SLC37A3: variants seen among roughly 807,000 people sequenced by gnomAD.
SLC37A3 encodes solute carrier family 37 member 3.
SLC37A3 carries 51 observed loss-of-function variants against 67.1 expected under a neutral mutation model. The observed-to-expected ratio is 0.76, with a 90% confidence interval of 0.61 to 0.96. The LOEUF is 0.96. SLC37A3 is among the 40% of genes least tolerant of loss of function. The pLI, the probability that SLC37A3 is intolerant of heterozygous loss-of-function variation, is 0.00. For missense variants in SLC37A3, 508 were observed against 603.0 expected (o/e 0.84, Z 1.65); for synonymous variants, 214 against 231.4 (o/e 0.92, Z 0.68).
rs149190269 is a variant in SLC37A3, at chr7:140,364,421, G to A, written c.362C>T (p.Ser121Phe). 1.9e-4 allele frequency: 310 copies of A among 1,613,696 alleles called. 1 individual carries two copies. The East Asian group carries it at 6.5e-3, about 34-fold the overall frequency. Reference sequence around the variant, plus strand: ...CTTTCAACTTACCACTAATGCAGAAGAGCACATGCCAAAAGACAGAACCCA... The same window carrying A: ...CTTTCAACTTACCACTAATGCAGAAAAGCACATGCCAAAAGACAGAACCCA... ...LRWVLSFGMC[S>F]SALVVFVFGA... The change falls in exon 5 of 15, where the codon TCT becomes TTT. Residue 121 changes from serine (S) to phenylalanine (F), a missense_variant. Transcript: ENST00000326232.
intron 1 of SLC37A3, among the ~76,000 whole-genome samples, chr7:140,389,321 GCACTCGATAGATCAGCCGA>G (rs1798634437): frequency 6.6e-6 from 1 of 152,050 alleles, no homozygotes; most frequent in African/African-American, 2.4e-5. Context: ...TGTAGACCCT[GCACTCGATAGATCAGCCGA>G]CACCACCCAG....
Position 140,335,201 on chromosome 7 carries a change from C to T in SLC37A3, c.*211G>A, listed in dbSNP as rs966442739. The T allele has an allele frequency of 1.0e-5, 16 of 1,594,290 alleles. No individual in the cohort carries two copies. The highest frequency in any genetic ancestry group is 8.5e-5 in the Admixed American group (5 of 58,600). On this transcript the variant is annotated 3_prime_UTR_variant, in exon 15 of 15. Transcript: ENST00000326232. The stretch of plus-strand genomic sequence containing the variant: ...GTCACTCGGCACATTCATGAAACAA[C>T]AGCAAAAATCATCAACAGTAATTCC...
At chr7:140,364,621 A>G in intron 4 of SLC37A3, 130 bp from the exon 5 acceptor site, 1 of 794,918 alleles carries the variant, frequency 1.3e-6, no homozygotes, top group Non-Finnish European at 2.0e-6. Context: ...TGCCGAGGCT[A>G]CCTGTCTACA....
At chr7:140,344,496 C>T (rs1456833946) in intron 12 of SLC37A3, among the ~76,000 whole-genome samples, 1 of 152,024 alleles carries the variant, frequency 6.6e-6, no homozygotes, top group Non-Finnish European at 1.5e-5. Flanking sequence ...TGGCTCACGC[C>T]TGTAATCCCA....
chr7:140,359,282 G>A (rs1273092903), intron 5 of SLC37A3, among the ~76,000 whole-genome samples: 1 of 151,362 alleles, frequency 6.6e-6, no homozygotes, highest in African/African-American at 2.4e-5. Flanking sequence ...GGTGGAGCTT[G>A]CAGTGAGCCA....
At chr7:140,362,672 GT>G (rs1433308925) in intron 5 of SLC37A3, among the ~76,000 whole-genome samples, 5 of 42,938 alleles carry the variant, frequency 1.2e-4, no homozygotes, top group African/African-American at 1.8e-4. Flanking sequence ...CGGGAGGGAG[GT>G]GGGGGGGGGG....
At chr7:140,344,782 T>C (rs942177985) in intron 12 of SLC37A3, among the ~76,000 whole-genome samples, 49 of 152,126 alleles carry the variant, frequency 3.2e-4, no homozygotes, top group African/African-American at 1.1e-3. Flanking sequence ...ATAAAGTAAG[T>C]AATTTTTCTA....
At chr7:140,368,766 T>G (rs1797706321) in intron 4 of SLC37A3, among the ~76,000 whole-genome samples, 1 of 152,140 alleles carries the variant, frequency 6.6e-6, no homozygotes, top group African/African-American at 2.4e-5. Flanking sequence ...GTCTCCCCTC[T>G]GCCATGACAC....
intron 6 of SLC37A3, among the ~76,000 whole-genome samples, chr7:140,355,979 G>A (rs1797010185): frequency 6.6e-6 from 1 of 152,134 alleles, no homozygotes; most frequent in Non-Finnish European, 1.5e-5. Flanking sequence ...CAGATCACCT[G>A]AGGTCAGGAG....
intron 6 of SLC37A3, 144 bp downstream of exon 6, chr7:140,358,496 C>G: frequency 8.8e-7 from 1 of 1,136,294 alleles, no homozygotes; most frequent in Non-Finnish European, 1.3e-6. Flanking sequence ...GACGTGAAAC[C>G]CTCTCTCCCT....
chr7:140,349,554 G>T (rs974418879), intron 9 of SLC37A3, among the ~76,000 whole-genome samples: 1 of 151,938 alleles, frequency 6.6e-6, no homozygotes, highest in Non-Finnish European at 1.5e-5. Context: ...GGGGGACAGA[G>T]GGGCTGACTT....
rs781138164 is a variant in SLC37A3, at chr7:140,335,447, C to T, written c.1450G>A (p.Val484Met). The T allele has an allele frequency of 2.1e-5, 34 of 1,614,008 alleles. No homozygotes were observed. The highest frequency in any genetic ancestry group is 3.3e-4 in the Middle Eastern group (2 of 6,084). Residue 484 changes from valine (V) to methionine (M), a missense_variant, in exon 15 of 15, where the codon GTG becomes ATG. Coordinates refer to ENST00000326232, the MANE Select transcript of SLC37A3 (RefSeq NM_207113.3). The part of the protein sequence containing the change: ...PLIVREIFSL[V>M]LRRQAHILRE Reference sequence around the variant, plus strand: ...AATATGTGAGCCTGTCTCCTTAGCACGAGAGAGAATATTTCCCTCACTATT... The same window carrying T: ...AATATGTGAGCCTGTCTCCTTAGCATGAGAGAGAATATTTCCCTCACTATT...
At chr7:140,345,179 C>T (rs6974016) in intron 12 of SLC37A3, 37 bp downstream of exon 12, 1,069,872 of 1,579,912 alleles carry the variant, frequency 0.68, 367,987 homozygotes, top group African/African-American at 0.92. Flanking sequence ...ATTTACAGAG[C>T]AACAGAAGCA....
intron 1 of SLC37A3, among the ~76,000 whole-genome samples, chr7:140,383,064 G>A (rs954437049): frequency 2.0e-5 from 3 of 152,082 alleles, no homozygotes; most frequent in Non-Finnish European, 4.4e-5. Context: ...GTAAAAATTA[G>A]TATAATATCA....
rs186882556 is a variant in SLC37A3 at position 140,355,685 on chromosome 7, G to A, written c.601C>T (p.Leu201Phe). ...ATACCTACCTCATAACCATACTGAA[G>A]AACAGAAGAAGCTAGGCACGCTCCC... is the stretch of plus-strand genomic sequence containing the variant. ...ILGACLASSV[L>F]QYGYEYAFLV... The change falls in exon 7 of 15, where the codon CTT becomes TTT. Residue 201 changes from leucine to phenylalanine, a missense_variant. By Grantham distance (22) the Leu-to-Phe change is conservative. Coordinates refer to ENST00000326232, the MANE Select transcript of SLC37A3 (RefSeq NM_207113.3). 3.3e-4 allele frequency: 531 copies of A among 1,613,592 alleles called. 1 individual carries two copies. Among genetic ancestry groups the A allele is most frequent in the Admixed American group, 8.8e-4 (53 of 59,984 alleles).
chr7:140,351,914 G>A, intron 8 of SLC37A3, 148 bp downstream of exon 8: 1 of 804,630 alleles, frequency 1.2e-6, no homozygotes, highest in Non-Finnish European at 2.1e-6. Flanking sequence ...ATGTCGACAG[G>A]ACTCAAACGG....
At chr7:140,345,144 G>T (rs1796502666) in intron 12 of SLC37A3, 72 bp downstream of exon 12, 1 of 1,404,914 alleles carries the variant, frequency 7.1e-7, no homozygotes, top group Non-Finnish European at 1.0e-6. Context: ...AATTGAGGGA[G>T]AAAACAGTTT....
intron 8 of SLC37A3, chr7:140,351,825 T>C (rs1796814911): frequency 4.9e-6 from 3 of 616,484 alleles, no homozygotes; most frequent in African/African-American, 3.7e-5. Flanking sequence ...AATTTGCAAA[T>C]GCGAAGATTT....
At chr7:140,382,400 G>C in intron 2 of SLC37A3, 38 bp downstream of exon 2, 1 of 1,584,966 alleles carries the variant, frequency 6.3e-7, no homozygotes, top group Non-Finnish European at 8.7e-7. Context: ...AAAGAAAAAA[G>C]AAAAAAAGCA....
Sources: allele counts gnomAD v4.1 joint callset (sites outside exome capture counted in the v4.1 genomes callset), GRCh38; gene constraint gnomAD v4.1.1; transcripts MANE v1.5; gene names NCBI Gene and HGNC (gene_info 2026-07-23, HGNC 2026-07-21).